TBCA: variants seen among roughly 807,000 people sequenced by gnomAD.
The protein encoded by TBCA is tubulin folding cofactor A, also known as tubulin-specific chaperone A.
Under a neutral mutation model 15.8 loss-of-function variants are expected in TBCA, and 6 were observed. That is an observed-to-expected ratio of 0.38 (90% CI 0.21 to 0.75). The LOEUF (loss-of-function observed/expected upper bound fraction) is 0.75. Among genes scored for constraint, TBCA ranks in the 30% least tolerant of loss-of-function variants. The pLI is 0.46. For synonymous variants in TBCA, 32 were observed against 42.3 expected, an observed-to-expected ratio of 0.76 and a Z score of 0.94; for missense variants, 90 against 131.2, an observed-to-expected ratio of 0.69 and a Z score of 1.53.
intron 2 of TBCA, among the ~76,000 whole-genome samples, chr5:77,693,799 C>CA (rs70991303): frequency 0.38 from 29,102 of 76,578 alleles, 7,137 homozygotes; most frequent in Non-Finnish European, 0.53. Flanking sequence ...AACTCCATCT[C>CA]AAAAAAAAAA....
At chr5:77,750,713 T>A (rs6859627) in intron 1 of TBCA, among the ~76,000 whole-genome samples, 27,074 of 151,586 alleles carry the variant, frequency 0.18, 2,654 homozygotes, top group African/African-American at 0.25. Flanking sequence ...ATTTAGAAAT[T>A]TTATTTTGCC....
intron 1 of TBCA, among the ~76,000 whole-genome samples, chr5:77,714,755 AC>A (rs1287585650): frequency 6.6e-6 from 1 of 151,990 alleles, no homozygotes; most frequent in Non-Finnish European, 1.5e-5. Context: ...TCTAGTAGAG[AC>A]GGAGTTTCAC....
chr5:77,759,661 A>G (rs1204572054), intron 1 of TBCA, among the ~76,000 whole-genome samples: 1 of 152,218 alleles, frequency 6.6e-6, no homozygotes, highest in Non-Finnish European at 1.5e-5. Flanking sequence ...AAAGATGCCT[A>G]TTAATGTGAG....
intron 1 of TBCA, among the ~76,000 whole-genome samples, chr5:77,724,320 T>C (rs530252993): frequency 1.4e-4 from 22 of 152,242 alleles, no homozygotes; most frequent in East Asian, 1.3e-3. Flanking sequence ...TCAAGGACTT[T>C]AGTAATATCT....
At chr5:77,694,004 A>G (rs554723355) in intron 2 of TBCA, among the ~76,000 whole-genome samples, 101 of 152,292 alleles carry the variant, frequency 6.6e-4, no homozygotes, top group Non-Finnish European at 1.2e-3. Flanking sequence ...AAGCACCTTT[A>G]TCTAAAATGG....
intron 1 of TBCA, among the ~76,000 whole-genome samples, chr5:77,751,777 A>T (rs1747348911): frequency 6.6e-6 from 1 of 152,166 alleles, no homozygotes; most frequent in Non-Finnish European, 1.5e-5. Flanking sequence ...GAGTTTTATT[A>T]TTACTCAAAT....
chr5:77,719,780 A>G (rs1360167562), intron 1 of TBCA, among the ~76,000 whole-genome samples: 1 of 152,144 alleles, frequency 6.6e-6, no homozygotes, highest in East Asian at 1.9e-4. Flanking sequence ...TTATTTCACG[A>G]ATCCTCTAAC....
rs533685627 is a variant in TBCA at position 77,717,128 on chromosome 5, A to T, written c.54-8781T>A. Among the ~76,000 whole-genome samples the T allele has an allele frequency of 1.6e-4, 25 of 152,360 alleles. No individual in the cohort carries two copies. In the South Asian group the frequency reaches 4.8e-3, roughly 29 times the overall value. Reference sequence around the variant, plus strand: ...CAGGTCAATCTAGTCAGAGAACTGCAGTCTTTGATGATGGTACTGAATTAC... The same window carrying T: ...CAGGTCAATCTAGTCAGAGAACTGCTGTCTTTGATGATGGTACTGAATTAC... On this transcript the variant is annotated intron_variant, in intron 1 of 3. Transcript: ENST00000380377.
chr5:77,710,042 G>A (rs1746239836), intron 1 of TBCA, among the ~76,000 whole-genome samples: 1 of 152,204 alleles, frequency 6.6e-6, no homozygotes, highest in African/African-American at 2.4e-5. Flanking sequence ...AAGGGTATAA[G>A]GTTTCTTTTG....
chr5:77,700,576 C>T (rs1263586073), intron 2 of TBCA, among the ~76,000 whole-genome samples: 1 of 152,140 alleles, frequency 6.6e-6, no homozygotes, highest in Non-Finnish European at 1.5e-5. Context: ...ACACTGAATG[C>T]TGGTGAAGAT....
At chr5:77,774,116 G>A (rs1747969340) in intron 1 of TBCA, among the ~76,000 whole-genome samples, 1 of 152,128 alleles carries the variant, frequency 6.6e-6, no homozygotes, top group South Asian at 2.1e-4. Flanking sequence ...AGGAACAATT[G>A]AGCAGCATTA....
intron 1 of TBCA, among the ~76,000 whole-genome samples, chr5:77,730,509 A>G (rs75755017): frequency 2.8e-4 from 43 of 152,330 alleles, no homozygotes; most frequent in African/African-American, 9.9e-4. Flanking sequence ...GTTTGTGGTA[A>G]TTTGGTTATG....
chr5:77,724,699 T>G (rs985539192), intron 1 of TBCA, among the ~76,000 whole-genome samples: 1 of 152,162 alleles, frequency 6.6e-6, no homozygotes, highest in African/African-American at 2.4e-5. Context: ...TTATAGTATA[T>G]TATTTCAGTA....
intron 1 of TBCA, among the ~76,000 whole-genome samples, chr5:77,763,595 G>A (rs1747700117): frequency 6.6e-6 from 1 of 152,140 alleles, no homozygotes; most frequent in Admixed American, 6.5e-5. Flanking sequence ...CCTCATGAAT[G>A]AGATTAGTGC....
intron 1 of TBCA, among the ~76,000 whole-genome samples, chr5:77,730,282 A>G (rs1401418901): frequency 6.6e-6 from 1 of 152,176 alleles, no homozygotes; most frequent in Non-Finnish European, 1.5e-5. Flanking sequence ...GAAGACACAT[A>G]AGGTAGAAGG....
intron 1 of TBCA, among the ~76,000 whole-genome samples, chr5:77,751,168 T>C (rs1159322789): frequency 2.8e-5 from 4 of 142,000 alleles, no homozygotes; most frequent in African/African-American, 7.9e-5. Flanking sequence ...TCTTTTTTTT[T>C]TTTTTTTTTT....
intron 1 of TBCA, among the ~76,000 whole-genome samples, chr5:77,760,693 G>T (rs1219052634): frequency 2.6e-5 from 4 of 152,242 alleles, no homozygotes; most frequent in African/African-American, 9.6e-5. Flanking sequence ...GAGGTGCTGG[G>T]ATTGCAGACG....
chr5:77,691,527 T>C, intron 3 of TBCA, 29 bp from the exon 4 acceptor site: 2 of 1,548,400 alleles, frequency 1.3e-6, no homozygotes, highest in Non-Finnish European at 1.7e-6. Context: ...AAAATTAAGT[T>C]TATCCTTTTC....
intron 1 of TBCA, among the ~76,000 whole-genome samples, chr5:77,710,736 T>C (rs1337445321): frequency 1.3e-5 from 2 of 151,944 alleles, no homozygotes; most frequent in Non-Finnish European, 2.9e-5. Context: ...AACTCCCTGT[T>C]TCCTTAACAG....
Sources: allele counts gnomAD v4.1 joint callset (sites outside exome capture counted in the v4.1 genomes callset), GRCh38; gene constraint gnomAD v4.1.1; transcripts MANE v1.5; gene names NCBI Gene and HGNC (gene_info 2026-07-23, HGNC 2026-07-21).